ANO10: variants seen among roughly 807,000 people sequenced by gnomAD.
ANO10 encodes the protein anoctamin-10.
Under a neutral mutation model 74.7 loss-of-function variants are expected in ANO10, and 77 were observed. The observed-to-expected ratio is 1.03, with a 90% confidence interval of 0.86 to 1.25. The LOEUF is 1.25. Ranked by LOEUF, ANO10 falls within the 50% of genes most tolerant of loss-of-function variation. ANO10 has a pLI of 0.00. For missense variants in ANO10, 721 were observed against 778.1 expected (o/e 0.93, Z 0.87); for synonymous variants, 279 against 284.9 (o/e 0.98, Z 0.21).
chr3:43,588,413 A>C (rs1001450486), intron 4 of ANO10, among the ~76,000 whole-genome samples: 15 of 152,120 alleles, frequency 9.9e-5, no homozygotes, highest in Admixed American at 2.6e-4. Context: ...AATGGGAAAA[A>C]AGATGGCATA....
chr3:43,420,696 A>G (rs1323627113), intron 12 of ANO10, among the ~76,000 whole-genome samples: 5 of 152,184 alleles, frequency 3.3e-5, no homozygotes, highest in African/African-American at 1.2e-4. Flanking sequence ...ATACCCAACT[A>G]TAACACACAC....
intron 7 of ANO10, among the ~76,000 whole-genome samples, chr3:43,570,770 AT>A (rs1369685532): frequency 6.9e-6 from 1 of 144,260 alleles, no homozygotes; most frequent in Non-Finnish European, 1.5e-5. Flanking sequence ...GGACATAGGC[AT>A]GGGCAAGGAC....
chr3:43,416,553 T>C (rs1269735989), intron 12 of ANO10, among the ~76,000 whole-genome samples: 1 of 152,240 alleles, frequency 6.6e-6, no homozygotes, highest in Non-Finnish European at 1.5e-5. Context: ...AAGATGTATT[T>C]GTCAACTGAA....
chr3:43,625,566 T>C (rs1272857506), upstream of ANO10, among the ~76,000 whole-genome samples: 2 of 152,220 alleles, frequency 1.3e-5, no homozygotes, highest in Non-Finnish European at 1.5e-5. Context: ...ATCAATCTAG[T>C]AGATGAAAAA....
At chr3:43,388,649 C>G (rs969407135) in intron 12 of ANO10, among the ~76,000 whole-genome samples, 1 of 152,102 alleles carries the variant, frequency 6.6e-6, no homozygotes, top group Admixed American at 6.5e-5. Context: ...CATGGGTGAA[C>G]TTGGAAGATG....
chr3:43,585,783 T>A (rs1040141909), intron 4 of ANO10, among the ~76,000 whole-genome samples: 4 of 152,186 alleles, frequency 2.6e-5, no homozygotes. Flanking sequence ...GCCTTCCCAC[T>A]AGGAGATTAA....
At chr3:43,395,298 T>C (rs1200632279) in intron 12 of ANO10, among the ~76,000 whole-genome samples, 1 of 152,240 alleles carries the variant, frequency 6.6e-6, no homozygotes, top group East Asian at 1.9e-4. Context: ...GTGTCATTTA[T>C]CGATTTGTGG....
intron 11 of ANO10, among the ~76,000 whole-genome samples, chr3:43,478,897 C>T (rs1290872332): frequency 6.6e-6 from 1 of 152,124 alleles, no homozygotes; most frequent in Non-Finnish European, 1.5e-5. Flanking sequence ...TAAAAGCAAA[C>T]CCAAGTACCT....
At chr3:43,499,671 T>TA (rs1431801734) in intron 11 of ANO10, among the ~76,000 whole-genome samples, 4 of 151,806 alleles carry the variant, frequency 2.6e-5, no homozygotes, top group Non-Finnish European at 5.9e-5. Flanking sequence ...GAAAAAAAAA[T>TA]ACTGCCAATT....
chr3:43,510,369 T>C (rs553507991), intron 11 of ANO10, among the ~76,000 whole-genome samples: 1 of 149,206 alleles, frequency 6.7e-6, no homozygotes, highest in Non-Finnish European at 1.5e-5. Context: ...AGGCAGAAGT[T>C]GCAGTGAGCC....
chr3:43,485,016 G>A, intron 11 of ANO10: 10 of 1,466,830 alleles, frequency 6.8e-6, no homozygotes, highest in Non-Finnish European at 9.3e-6. Context: ...CGTGGCTTGT[G>A]CTGACGGCTC....
intron 12 of ANO10, among the ~76,000 whole-genome samples, chr3:43,382,329 C>T (rs2125698188): frequency 6.6e-6 from 1 of 152,142 alleles, no homozygotes; most frequent in African/African-American, 2.4e-5. Flanking sequence ...ACCACCCTGG[C>T]TAACACGGTG....
At chr3:43,378,959 C>A (rs954483165) in intron 12 of ANO10, among the ~76,000 whole-genome samples, 4 of 152,260 alleles carry the variant, frequency 2.6e-5, no homozygotes, top group African/African-American at 7.2e-5. Flanking sequence ...CTGCTTCTTC[C>A]CAACACCTTT....
intron 7 of ANO10, among the ~76,000 whole-genome samples, chr3:43,573,156 G>A (rs942916218): frequency 1.3e-5 from 2 of 152,122 alleles, no homozygotes; most frequent in African/African-American, 4.8e-5. Flanking sequence ...ACTTTTTAAT[G>A]TATCCCATAT....
At chr3:43,591,829 G>A (rs1196271610) in intron 4 of ANO10, among the ~76,000 whole-genome samples, 5 of 152,300 alleles carry the variant, frequency 3.3e-5, no homozygotes, top group South Asian at 2.1e-4. Context: ...ACAAGGGGTC[G>A]GGGAATTCCC....
At chr3:43,607,064 C>T (rs1477154201) in intron 1 of ANO10, among the ~76,000 whole-genome samples, 3 of 152,160 alleles carry the variant, frequency 2.0e-5, no homozygotes, top group Admixed American at 2.0e-4. Flanking sequence ...TCATGTTTAG[C>T]CTTGGGTCCC....
chr3:43,540,700 A>G (rs945081658), intron 11 of ANO10, among the ~76,000 whole-genome samples: 8 of 152,152 alleles, frequency 5.3e-5, no homozygotes, highest in African/African-American at 1.7e-4. Flanking sequence ...ACCAATGCCC[A>G]CTCAGCAGGC....
intron 1 of ANO10, among the ~76,000 whole-genome samples, chr3:43,647,205 T>C (rs1200753576): frequency 3.4e-5 from 5 of 147,672 alleles, no homozygotes; most frequent in African/African-American, 9.9e-5. Context: ...TCTATACCCA[T>C]AGATAAATAG....
intron 6 of ANO10, 73 bp downstream of exon 6, chr3:43,576,619 T>G: frequency 1.4e-6 from 2 of 1,480,506 alleles, no homozygotes; most frequent in Non-Finnish European, 9.4e-7. Context: ...AGGTAGCAGC[T>G]ATGTGAATCC....
Sources: gnomAD v4.1 joint callset for allele counts (sites outside exome capture counted in the v4.1 genomes callset) on GRCh38, gnomAD v4.1.1 for gene constraint, MANE v1.5 for transcripts, NCBI Gene and HGNC (gene_info 2026-07-23, HGNC 2026-07-21) for gene names.